The following GRM4 variants were observed in gnomAD, a reference collection of about 807,000 sequenced individuals.
GRM4 encodes the protein metabotropic glutamate receptor 4.
Under a neutral mutation model 81.7 loss-of-function variants are expected in GRM4, and 28 were observed. The ratio of observed to expected loss-of-function variants is 0.34; its 90% confidence interval spans 0.25 to 0.47. GRM4 has a LOEUF of 0.47. Among genes scored for constraint, GRM4 ranks in the 20% least tolerant of loss-of-function variants. The pLI is 1.00. For missense variants in GRM4, 948 were observed against 1,290.0 expected (o/e 0.73, Z 4.06); for synonymous variants, 488 against 528.8 (o/e 0.92, Z 1.06).
chr6:34,022,764 G>T lies in GRM4; in HGVS notation c.*57C>A, dbSNP rs1763942053. The T allele has an allele frequency of 8.0e-6, 12 of 1,492,912 alleles. No individual in the cohort carries two copies. Among genetic ancestry groups the T allele is most frequent in the Admixed American group, 1.7e-5 (1 of 59,806 alleles). The allele number at this position is 1,492,912 out of a possible 1,614,324, so 92.5% of individuals were successfully genotyped here. ...GGGCCCTTGGGTGTGGCCCTGGCCC[G>T]ACGCACCTTCCACAGGGTCACGGCT... On this transcript the variant is annotated 3_prime_UTR_variant, in exon 11 of 11. Coordinates refer to ENST00000538487, the MANE Select transcript of GRM4 (RefSeq NM_000841.4). The surrounding 1 kb of genome is among the most constrained non-coding windows in gnomAD (Gnocchi z 5.6).
chr6:34,090,751 A>ACGG lies in GRM4; in HGVS notation c.736+1129_736+1131dup, dbSNP rs1215514027. Among the ~76,000 whole-genome samples the ACGG allele has an allele frequency of 6.6e-6, 1 of 152,074 alleles. No individual in the cohort carries two copies. The highest frequency in any genetic ancestry group is 2.4e-5 in the African/African-American group (1 of 41,378). On this transcript the variant is annotated intron_variant, in intron 3 of 10. Transcript: ENST00000538487. The surrounding 1 kb of genome is among the most constrained non-coding windows in gnomAD (Gnocchi z 5.2). ...GGATTATGCCCACGGGGTGTTACCA[A>ACGG]CGGCAGCCTCTGGACACTCTGTAGT...
chr6:34,132,727 C>T (rs1770292227), intron 2 of GRM4, among the ~76,000 whole-genome samples: 1 of 152,192 alleles, frequency 6.6e-6, no homozygotes, highest in African/African-American at 2.4e-5. Flanking sequence ...TTCAGCACCT[C>T]GGTCAGCGCC....
chr6:34,025,434 G>A (rs768579300), intron 10 of GRM4, among the ~76,000 whole-genome samples: 1 of 152,164 alleles, frequency 6.6e-6, no homozygotes, highest in Non-Finnish European at 1.5e-5. Context: ...GACTGCAGGG[G>A]ATGCGAGCCT....
intron 9 of GRM4, among the ~76,000 whole-genome samples, chr6:34,030,361 T>G (rs1490194214): frequency 1.3e-5 from 2 of 152,202 alleles, no homozygotes; most frequent in Non-Finnish European, 2.9e-5. Context: ...ACACCCATCT[T>G]AGACCCTTTG....
rs184636998 is a variant in GRM4, at chr6:34,028,252, C to T, written c.2557G>A (p.Val853Met). Residue 853 changes from valine (V) to methionine (M), a missense_variant, in exon 10 of 11, where the codon GTG becomes ATG. Coordinates refer to ENST00000538487, the MANE Select transcript of GRM4 (RefSeq NM_000841.4). ...TTGAGGCTGCGCTTGCGCTTGGGCA[C>T]GTTCTGCTCCGGGTGGAAGAGGATG... ...YIILFHPEQN[V>M]PKRKRSLKAV... 22 of 1,614,102 alleles carry T rather than the reference C, an allele frequency of 1.4e-5. No individual in the cohort carries two copies. Among genetic ancestry groups the T allele is most frequent in the South Asian group, 5.5e-5 (5 of 91,086 alleles).
At position 34,115,351 on chromosome 6, in the gene GRM4, T is replaced by C. The variant is rs1377744379; in HGVS notation, c.519+17627A>G. ...TTTATTCCCTACATTGTTAGCGCAG[T>C]AGAGAGAGCAACCGTGTCTCCAGGC... On this transcript the variant is annotated intron_variant, in intron 2 of 10. Transcript: ENST00000538487. This position sits in a 1 kb window ranked among gnomAD's most constrained non-coding sequence, Gnocchi z 4.1. Among the ~76,000 whole-genome samples, 4 of 152,216 alleles carry C rather than the reference T, an allele frequency of 2.6e-5. No individual in the cohort carries two copies. Among genetic ancestry groups the C allele is most frequent in the African/African-American group, 9.6e-5 (4 of 41,452 alleles).
intron 2 of GRM4, among the ~76,000 whole-genome samples, chr6:34,100,638 C>G (rs568523656): frequency 6.6e-6 from 1 of 152,216 alleles, no homozygotes; most frequent in Non-Finnish European, 1.5e-5. Context: ...AGCGGACATC[C>G]GAGTGGGAGA....
chr6:34,076,884 G>C (rs1327894017), intron 3 of GRM4, among the ~76,000 whole-genome samples: 1 of 152,044 alleles, frequency 6.6e-6, no homozygotes, highest in Non-Finnish European at 1.5e-5. Flanking sequence ...TGGGGGACAT[G>C]GGGGGTGGAA....
At chr6:34,077,651 AC>A (rs895863108) in intron 3 of GRM4, among the ~76,000 whole-genome samples, 7 of 146,030 alleles carry the variant, frequency 4.8e-5, no homozygotes, top group Non-Finnish European at 1.0e-4. Context: ...CTCCTCTCCC[AC>A]CCCCAACTCT....
Position 34,078,189 on chromosome 6 carries a change from C to T in GRM4, c.736+13694G>A, listed in dbSNP as rs977595653. On this transcript the variant is annotated intron_variant, in intron 3 of 10. Coordinates refer to ENST00000538487, the MANE Select transcript of GRM4 (RefSeq NM_000841.4). This position sits in a 1 kb window ranked among gnomAD's most constrained non-coding sequence, Gnocchi z 4.8. The stretch of plus-strand genomic sequence containing the variant: ...ATTAACTAACATTTGACCTATTGTC[C>T]GGAAGGCTCCCGGACCCATCTCCAG... Among the ~76,000 whole-genome samples the T allele has an allele frequency of 5.9e-5, 9 of 152,122 alleles. No individual in the cohort carries two copies. Among genetic ancestry groups the T allele is most frequent in the African/African-American group, 1.9e-4 (8 of 41,406 alleles).
intron 1 of GRM4, among the ~76,000 whole-genome samples, chr6:34,141,984 C>A (rs1483992901): frequency 6.6e-6 from 1 of 152,180 alleles, no homozygotes. Flanking sequence ...GAAAAAGCAG[C>A]CTGCACTCTA....
intron 2 of GRM4, among the ~76,000 whole-genome samples, chr6:34,125,265 G>A (rs1052163611): frequency 1.3e-5 from 2 of 152,192 alleles, no homozygotes; most frequent in Non-Finnish European, 2.9e-5. Context: ...CTGCAGGAAT[G>A]AGCCTGTTTG....
Position 34,048,673 on chromosome 6 carries a change from G to C in GRM4, c.1168+7871C>G, listed in dbSNP as rs1222423159. On this transcript the variant is annotated intron_variant, in intron 6 of 10. Transcript: ENST00000538487. The surrounding 1 kb of genome is among the most constrained non-coding windows in gnomAD (Gnocchi z 4.0). ...TCATAATCCCCACATGTCAGGGAAG[G>C]GACTTGGTGGGAGGTGATTGGATCA... 5.3e-5 allele frequency among the ~76,000 whole-genome samples: 8 copies of C among 152,270 alleles called. No individual in the cohort carries two copies. In the East Asian group the frequency reaches 9.6e-4, roughly 18 times the overall value.
At chr6:34,104,397 G>A (rs976485664) in intron 2 of GRM4, among the ~76,000 whole-genome samples, 2 of 152,210 alleles carry the variant, frequency 1.3e-5, no homozygotes, top group Admixed American at 6.5e-5. Context: ...GTTGGCTAAC[G>A]AGCACCTACT....
At chr6:34,141,105 C>T (rs1770671446) in intron 1 of GRM4, among the ~76,000 whole-genome samples, 1 of 152,210 alleles carries the variant, frequency 6.6e-6, no homozygotes, top group Non-Finnish European at 1.5e-5. Context: ...AGAAGTCATG[C>T]CCCTAACCAG....
At chr6:34,102,032 C>A in intron 2 of GRM4, 9 of 1,535,374 alleles carry the variant, frequency 5.9e-6, no homozygotes, top group Non-Finnish European at 7.0e-6. Flanking sequence ...CTGTCCTCCA[C>A]CCCCAAAGCA....
At position 34,048,684 on chromosome 6, in the gene GRM4, G is replaced by A. The variant is rs578249501; in HGVS notation, c.1168+7860C>T. ...ACATGTCAGGGAAGGGACTTGGTGGGAGGTGATTGGATCATGGGGGTGGAT... is the reference window on the plus strand; with the variant it reads ...ACATGTCAGGGAAGGGACTTGGTGGAAGGTGATTGGATCATGGGGGTGGAT... On this transcript the variant is annotated intron_variant, in intron 6 of 10. Coordinates refer to ENST00000538487, the MANE Select transcript of GRM4 (RefSeq NM_000841.4). The surrounding 1 kb of genome is among the most constrained non-coding windows in gnomAD (Gnocchi z 4.0). Among the ~76,000 whole-genome samples the A allele has an allele frequency of 1.7e-4, 26 of 152,278 alleles. No homozygotes were observed. Among genetic ancestry groups the A allele is most frequent in the African/African-American group, 5.3e-4 (22 of 41,544 alleles).
At chr6:34,061,630 C>T (rs1016742526) in intron 4 of GRM4, 13 of 403,230 alleles carry the variant, frequency 3.2e-5, no homozygotes, top group Non-Finnish European at 4.9e-5. Flanking sequence ...CCTCAGCCCT[C>T]TGTTAAAGCA....
Position 34,122,020 on chromosome 6 carries a change from G to A in GRM4, c.519+10958C>T, listed in dbSNP as rs182706110. Among the ~76,000 whole-genome samples the A allele has an allele frequency of 9.9e-5, 15 of 152,206 alleles. No homozygotes were observed. In the East Asian group the frequency reaches 2.9e-3, roughly 30 times the overall value. ...AAGTGCTCAGTACTGAGATGCCCGA[G>A]GCCGTAATCAAGGTATGAGGCAGGC... On this transcript the variant is annotated intron_variant, in intron 2 of 10. Coordinates refer to ENST00000538487, the MANE Select transcript of GRM4 (RefSeq NM_000841.4).
Sources: allele counts gnomAD v4.1 joint callset (sites outside exome capture counted in the v4.1 genomes callset), GRCh38; gene constraint gnomAD v4.1.1; non-coding constraint Gnocchi (gnomAD v3.1); transcripts MANE v1.5; gene names NCBI Gene and HGNC (gene_info 2026-07-23, HGNC 2026-07-21).